Variants in CAST observed in about 807,000 individuals in gnomAD.
CAST encodes MIR583 host.
CAST carries 76 observed loss-of-function variants against 119.6 expected under a neutral mutation model. The ratio of observed to expected loss-of-function variants is 0.64; its 90% CI spans 0.53 to 0.77. CAST has a LOEUF of 0.77. Ranked by LOEUF, CAST falls within the 30% of genes least tolerant of loss-of-function variation. The pLI, the probability that CAST is intolerant of heterozygous loss-of-function variation, is 0.00. For missense variants in CAST, 953 were observed against 946.5 expected, an observed-to-expected ratio of 1.01 and a Z score of -0.09; for synonymous variants, 319 against 331.6, an observed-to-expected ratio of 0.96 and a Z score of 0.41.
At chr5:96,053,289 GA>G in the CAST span, among the ~76,000 whole-genome samples, 1 of 152,194 alleles carries the variant, frequency 6.6e-6, no homozygotes, top group African/African-American at 2.4e-5. Flanking sequence ...GCTCCCAGGG[GA>G]TTCTAATGTT....
intron 1 of CAST, chr5:96,545,273 A>G (rs993280696): frequency 4.6e-5 from 7 of 152,224 alleles, no homozygotes; most frequent in Admixed American, 4.6e-4. Flanking sequence ...TCTCATAAGT[A>G]TTCAGCAAAC....
Position 96,556,150 on chromosome 5 carries a change from C to CCA in CAST, c.60+26270_60+26271insCA, listed in dbSNP as rs1472396482. Among the ~76,000 whole-genome samples, 8 of 152,324 alleles carry CCA rather than the reference C, an allele frequency of 5.3e-5. No individual in the cohort carries two copies. The East Asian group carries it at 5.8e-4, about 11-fold the overall frequency. On this transcript the variant is annotated intron_variant, in intron 1 of 11. Transcript: ENST00000505143. Reference sequence around the variant, plus strand: ...TCCAACAGACCTGCAGCTGAGGGTCCTGACTGTTAGAAGGAAAACTAACAA... The same window carrying CCA: ...TCCAACAGACCTGCAGCTGAGGGTCCCATGACTGTTAGAAGGAAAACTAACAA...
the CAST span, chr5:96,398,784 A>C: frequency 1.9e-6 from 2 of 1,034,458 alleles, no homozygotes; most frequent in African/African-American, 3.2e-5. Context: ...ATCTATTAGG[A>C]GACTTTGTTC....
intron 1 of CAST, among the ~76,000 whole-genome samples, chr5:96,548,506 T>C (rs1274847609): frequency 1.3e-5 from 2 of 152,146 alleles, no homozygotes; most frequent in Non-Finnish European, 2.9e-5. Flanking sequence ...TTGCTGTCCT[T>C]TGTGGTAGAT....
chr5:96,069,951 A>G, the CAST span, among the ~76,000 whole-genome samples: 73 of 152,056 alleles, frequency 4.8e-4, no homozygotes, highest in Non-Finnish European at 5.9e-5. Context: ...CAGGAGTTTG[A>G]GACTAGCTTG....
At chr5:96,084,655 G>T in the CAST span, among the ~76,000 whole-genome samples, 1 of 152,190 alleles carries the variant, frequency 6.6e-6, no homozygotes, top group Non-Finnish European at 1.5e-5. Flanking sequence ...GACTTAGACT[G>T]GGAAGTAAAG....
At chr5:96,685,301 A>G (rs899353458) in intron 2 of CAST, among the ~76,000 whole-genome samples, 1 of 152,166 alleles carries the variant, frequency 6.6e-6, no homozygotes, top group African/African-American at 2.4e-5. Flanking sequence ...TGGATTAAAT[A>G]TTATTCCAGA....
At chr5:96,237,884 C>G in the CAST span, among the ~76,000 whole-genome samples, 1 of 151,988 alleles carries the variant, frequency 6.6e-6, no homozygotes. Flanking sequence ...TTTATTAAAA[C>G]AGATTTTAAC....
At chr5:96,174,381 T>C in the CAST span, among the ~76,000 whole-genome samples, 3 of 152,246 alleles carry the variant, frequency 2.0e-5, no homozygotes, top group African/African-American at 7.2e-5. Flanking sequence ...CAGATATTTG[T>C]TGAGTAGCTG....
At chr5:96,770,735 C>T (rs1039847339) in intron 30 of CAST, 133 bp downstream of exon 30, 47 of 603,666 alleles carry the variant, frequency 7.8e-5, no homozygotes, top group Non-Finnish European at 1.3e-4. Context: ...TATCCCATAG[C>T]ATCGCTTGGT....
At chr5:96,528,143 A>G (rs1745627035), upstream of CAST, among the ~76,000 whole-genome samples, 2 of 152,176 alleles carry the variant, frequency 1.3e-5, no homozygotes, top group South Asian at 4.2e-4. Context: ...ACATTCAGAG[A>G]GGCTAAATGA....
chr5:96,646,146 A>G (rs957954581), intron 1 of CAST, among the ~76,000 whole-genome samples: 2 of 152,224 alleles, frequency 1.3e-5, no homozygotes, highest in African/African-American at 4.8e-5. Context: ...TCAATATTGC[A>G]GAGAAGGAGG....
At chr5:96,563,204 A>G (rs772827483) in intron 1 of CAST, among the ~76,000 whole-genome samples, 1 of 152,180 alleles carries the variant, frequency 6.6e-6, no homozygotes, top group African/African-American at 2.4e-5. Context: ...CAAAACTCCC[A>G]TAAAAAATAG....
chr5:96,275,877 G>T, the CAST span, among the ~76,000 whole-genome samples: 1 of 152,172 alleles, frequency 6.6e-6, no homozygotes, highest in Admixed American at 6.5e-5. Flanking sequence ...TGTTTTCGAG[G>T]AGATTTCATT....
chr5:96,185,562 C>T, the CAST span, among the ~76,000 whole-genome samples: 1 of 152,166 alleles, frequency 6.6e-6, no homozygotes, highest in South Asian at 2.1e-4. Context: ...CAATTTTCTG[C>T]ATATGGCTAG....
the CAST span, among the ~76,000 whole-genome samples, chr5:96,290,244 C>T: frequency 5.3e-5 from 8 of 152,232 alleles, no homozygotes; most frequent in African/African-American, 1.9e-4. Flanking sequence ...AATATCAAGG[C>T]ACAGAAACAA....
rs1057460911 is a variant in CAST, at chr5:96,553,001, T to C, written c.60+23121T>C. ...GAGGTACAAAGAGGAGCTGGTATCA[T>C]TCCTTCTGAAACTATTCTGATCAAT... On this transcript the variant is annotated intron_variant, in intron 1 of 11. Coordinates refer to the CAST transcript ENST00000505143. Among the ~76,000 whole-genome samples, 3 of 152,318 alleles carry C rather than the reference T, an allele frequency of 2.0e-5. 1 individual carries two copies. The South Asian group carries it at 6.2e-4, about 32-fold the overall frequency.
At chr5:96,427,821 G>A in the CAST span, among the ~76,000 whole-genome samples, 3 of 152,110 alleles carry the variant, frequency 2.0e-5, no homozygotes, top group East Asian at 1.9e-4. Context: ...TGCTTAGCCC[G>A]GGGACTAAGC....
the CAST span, among the ~76,000 whole-genome samples, chr5:96,129,540 T>A: frequency 6.6e-6 from 1 of 152,160 alleles, no homozygotes; most frequent in Admixed American, 6.6e-5. Flanking sequence ...GGAACTGTCA[T>A]GAATCACTGC....
Sources: allele counts gnomAD v4.1 joint callset (sites outside exome capture counted in the v4.1 genomes callset), GRCh38; gene constraint gnomAD v4.1.1; transcripts MANE v1.5; gene names NCBI Gene and HGNC (gene_info 2026-07-23, HGNC 2026-07-21).